GRIA4: variants seen among roughly 807,000 people sequenced by gnomAD.
The protein encoded by GRIA4 is glutamate receptor 4.
A neutral mutation model predicts 104.0 loss-of-function variants in GRIA4; 34 were observed. The ratio of observed to expected loss-of-function variants is 0.33; its 90% CI spans 0.25 to 0.44. The LOEUF is 0.44. Ranked by LOEUF, GRIA4 falls within the 20% of genes least tolerant of loss-of-function variation. The pLI is 1.00. For missense variants in GRIA4, 750 were observed against 1,096.5 expected, an observed-to-expected ratio of 0.68 and a Z score of 4.46; for synonymous variants, 386 against 381.9, an observed-to-expected ratio of 1.01 and a Z score of -0.13.
At position 105,778,434 on chromosome 11, in the gene GRIA4, C is replaced by A. The variant is rs566788056; in HGVS notation, c.487+25214C>A. 2.0e-5 allele frequency among the ~76,000 whole-genome samples: 3 copies of A among 152,278 alleles called. No homozygotes were observed. In the South Asian group the frequency reaches 6.2e-4, roughly 32 times the overall value. ...CACCAAGTACAAGGGGGGCTGGGCG[C>A]GGTGGCTCACGCCTGTAATCCCAAC... On this transcript the variant is annotated intron_variant, in intron 4 of 16. Transcript: ENST00000282499.
At chr11:105,626,031 T>C (rs2135290207) in intron 3 of GRIA4, among the ~76,000 whole-genome samples, 1 of 152,254 alleles carries the variant, frequency 6.6e-6, no homozygotes, top group Non-Finnish European at 1.5e-5. Context: ...GGTTGTGGTA[T>C]AGGATAGATG....
intron 10 of GRIA4, among the ~76,000 whole-genome samples, chr11:105,917,132 G>A (rs772208385): frequency 3.3e-5 from 5 of 152,034 alleles, no homozygotes; most frequent in African/African-American, 4.8e-5. Context: ...ATAAACTACT[G>A]CATAATTTTC....
intron 4 of GRIA4, among the ~76,000 whole-genome samples, chr11:105,754,536 A>G (rs1400694847): frequency 6.6e-6 from 1 of 152,108 alleles, no homozygotes; most frequent in African/African-American, 2.4e-5. Flanking sequence ...ATCCCATGTC[A>G]CCTGTGTGTG....
intron 3 of GRIA4, among the ~76,000 whole-genome samples, chr11:105,669,825 G>A (rs992710197): frequency 2.6e-5 from 4 of 152,064 alleles, no homozygotes; most frequent in Admixed American, 6.6e-5. Context: ...CATTTTTAAC[G>A]AATTCCCTTA....
At chr11:105,700,043 A>G (rs1472823428) in intron 3 of GRIA4, among the ~76,000 whole-genome samples, 1 of 152,230 alleles carries the variant, frequency 6.6e-6, no homozygotes, top group African/African-American at 2.4e-5. Flanking sequence ...TTGAATAAAT[A>G]TCTATGGTAA....
intron 3 of GRIA4, among the ~76,000 whole-genome samples, chr11:105,658,887 C>T (rs1208418637): frequency 6.6e-6 from 1 of 151,938 alleles, no homozygotes; most frequent in Non-Finnish European, 1.5e-5. Context: ...TTAAACTCTA[C>T]ATTTCCAAGT....
chr11:105,647,654 G>A (rs1432033993), intron 3 of GRIA4, among the ~76,000 whole-genome samples: 1 of 152,162 alleles, frequency 6.6e-6, no homozygotes, highest in Non-Finnish European at 1.5e-5. Context: ...GGACATGGAT[G>A]GAGCTGGAGG....
chr11:105,918,242 C>A lies in GRIA4; in HGVS notation c.1270-470C>A, dbSNP rs140156544. On this transcript the variant is annotated intron_variant, in intron 10 of 16. Coordinates refer to ENST00000282499, the MANE Select transcript of GRIA4 (RefSeq NM_000829.4). ...TAGAGATCAAAGAAAAATGACGTAA[C>A]CTTTTTCTTAAAGGAAGTCACAGTT... is the stretch of plus-strand genomic sequence containing the variant. Among the ~76,000 whole-genome samples the A allele has an allele frequency of 9.6e-4, 146 of 152,124 alleles. 3 individuals are homozygous for A. The East Asian group carries it at 0.021, about 22-fold the overall frequency.
chr11:105,659,648 A>C (rs1435267158), intron 3 of GRIA4, among the ~76,000 whole-genome samples: 1 of 151,880 alleles, frequency 6.6e-6, no homozygotes, highest in Non-Finnish European at 1.5e-5. Flanking sequence ...ACTTGCACCC[A>C]AAAGCTCCTG....
At chr11:105,905,942 A>G (rs1246528925) in intron 9 of GRIA4, among the ~76,000 whole-genome samples, 3 of 152,170 alleles carry the variant, frequency 2.0e-5, no homozygotes, top group Non-Finnish European at 4.4e-5. Context: ...CAGTGCAACC[A>G]TACAGCCCCA....
chr11:105,625,543 C>T (rs188940125), intron 3 of GRIA4, among the ~76,000 whole-genome samples: 158 of 152,078 alleles, frequency 1.0e-3, no homozygotes, highest in Middle Eastern at 3.4e-3. Flanking sequence ...TCTGGATGTC[C>T]CCTGGACTTA....
At chr11:105,962,956 A>T (rs1327870982) in intron 14 of GRIA4, among the ~76,000 whole-genome samples, 3 of 152,136 alleles carry the variant, frequency 2.0e-5, no homozygotes, top group Admixed American at 6.6e-5. Flanking sequence ...AGTGACACTG[A>T]TATACTTAAT....
rs1944432345 is a variant in GRIA4, at chr11:105,842,561, C to T, written c.488-19463C>T. Among the ~76,000 whole-genome samples the T allele has an allele frequency of 1.3e-5, 2 of 152,128 alleles. 1 individual carries two copies. The highest frequency in any genetic ancestry group is 1.3e-4 in the Admixed American group (2 of 15,264). On this transcript the variant is annotated intron_variant, in intron 4 of 16. Coordinates refer to ENST00000282499, the MANE Select transcript of GRIA4 (RefSeq NM_000829.4). ...TACTGACAAGATTAAATGGTACTTT[C>T]CTGGCACACGTTGATACTGAACCAC...
chr11:105,916,803 G>A (rs1947419460), intron 10 of GRIA4, among the ~76,000 whole-genome samples: 1 of 152,022 alleles, frequency 6.6e-6, no homozygotes, highest in South Asian at 2.1e-4. Context: ...GTACCAAATG[G>A]AGCCTTTGCT....
At chr11:105,964,969 G>C (rs1274647808) in intron 14 of GRIA4, among the ~76,000 whole-genome samples, 1 of 152,036 alleles carries the variant, frequency 6.6e-6, no homozygotes, top group Admixed American at 6.6e-5. Flanking sequence ...ACCATGCCCA[G>C]CTAATTTTTG....
intron 3 of GRIA4, among the ~76,000 whole-genome samples, chr11:105,648,283 C>T (rs192690812): frequency 1.7e-4 from 26 of 151,142 alleles, no homozygotes; most frequent in Middle Eastern, 3.4e-3. Flanking sequence ...CTGAAGAATA[C>T]ACAACTGTGG....
chr11:105,878,621 G>A (rs1386305158), intron 5 of GRIA4, among the ~76,000 whole-genome samples: 1 of 152,214 alleles, frequency 6.6e-6, no homozygotes, highest in African/African-American at 2.4e-5. Flanking sequence ...GTATGGTGAG[G>A]AAGAATCTAG....
intron 3 of GRIA4, among the ~76,000 whole-genome samples, chr11:105,713,274 G>A (rs905693593): frequency 5.9e-5 from 9 of 151,780 alleles, no homozygotes; most frequent in East Asian, 1.9e-4. Context: ...TCCCAGCTAC[G>A]TAGGACGCTG....
intron 3 of GRIA4, among the ~76,000 whole-genome samples, chr11:105,702,721 G>C (rs371349344): frequency 8.8e-5 from 8 of 91,142 alleles, no homozygotes; most frequent in African/African-American, 3.5e-4. Context: ...TTTTGAGACA[G>C]AATCACTCTG....
Sources: gnomAD v4.1 joint callset for allele counts (sites outside exome capture counted in the v4.1 genomes callset) on GRCh38, gnomAD v4.1.1 for gene constraint, MANE v1.5 for transcripts, NCBI Gene and HGNC (gene_info 2026-07-23, HGNC 2026-07-21) for gene names.